The following AKAP9 variants were observed in gnomAD, a reference collection of about 807,000 sequenced individuals.
AKAP9 encodes the protein A-kinase anchoring protein 9, also known as A-kinase anchor protein 9.
A neutral mutation model predicts 488.5 loss-of-function variants in AKAP9; 311 were observed. That is an observed-to-expected ratio of 0.64 (90% CI 0.58 to 0.70). The LOEUF (loss-of-function observed/expected upper bound fraction) is 0.70, where lower values mean the gene tolerates loss of function less well. Ranked by LOEUF, AKAP9 falls within the 30% of genes least tolerant of loss-of-function variation. AKAP9 has a pLI of 0.00. For missense variants in AKAP9, 4,215 were observed against 4,374.5 expected (o/e 0.96, Z 1.03); for synonymous variants, 1,462 against 1,483.5 (o/e 0.99, Z 0.33).
intron 3 of AKAP9, among the ~76,000 whole-genome samples, chr7:91,991,871 C>T (rs2130633000): frequency 6.6e-6 from 1 of 152,150 alleles, no homozygotes; most frequent in East Asian, 1.9e-4. Context: ...GTTTATACTT[C>T]TGAAGAGCAA....
rs376058775 is a variant in AKAP9 at position 91,946,863 on chromosome 7, C to G, written c.48+5716C>G. On this transcript the variant is annotated intron_variant, in intron 1 of 49. Coordinates refer to ENST00000356239, the MANE Select transcript of AKAP9 (RefSeq NM_005751.5). ...CAAAAATTTTTTCAAACAAAAACAT[C>G]TCTTATTTTATAAATAAAAAGGTTC... 2.0e-5 allele frequency among the ~76,000 whole-genome samples: 3 copies of G among 152,224 alleles called. No homozygotes were observed. In the East Asian group the frequency reaches 5.8e-4, roughly 29 times the overall value.
At chr7:91,954,826 G>A (rs1487414338) in intron 1 of AKAP9, among the ~76,000 whole-genome samples, 2 of 152,114 alleles carry the variant, frequency 1.3e-5, no homozygotes, top group Non-Finnish European at 2.9e-5. Flanking sequence ...CACTAACATA[G>A]CCACTTTACT....
chr7:91,967,651 C>G (rs180796662), intron 1 of AKAP9, among the ~76,000 whole-genome samples: 1 of 152,182 alleles, frequency 6.6e-6, no homozygotes, highest in South Asian at 2.1e-4. Flanking sequence ...GGATGAATCC[C>G]GCTTGATCAT....
Position 92,033,649 on chromosome 7 carries a change from G to A in AKAP9, c.4338+2045G>A, listed in dbSNP as rs143855973. On this transcript the variant is annotated intron_variant, in intron 16 of 49. Coordinates refer to ENST00000356239, the MANE Select transcript of AKAP9 (RefSeq NM_005751.5). ...GACAGGGTTTTGCCATGTTGGCCAG[G>A]CTGGTCTTGAACTCCTGATCTCAAG... 1.5e-3 allele frequency among the ~76,000 whole-genome samples: 227 copies of A among 152,146 alleles called. 1 individual carries two copies. The highest frequency in any genetic ancestry group is 5.3e-3 in the African/African-American group (222 of 41,516).
intron 22 of AKAP9, among the ~76,000 whole-genome samples, chr7:92,056,894 A>G (rs2130811962): frequency 6.6e-6 from 1 of 152,132 alleles, no homozygotes; most frequent in East Asian, 1.9e-4. Flanking sequence ...ATAATACCAA[A>G]ATGAGGGTTT....
chr7:91,945,738 C>T (rs541423144), intron 1 of AKAP9, among the ~76,000 whole-genome samples: 187 of 152,224 alleles, frequency 1.2e-3, no homozygotes, highest in African/African-American at 4.0e-3. Context: ...AGTGTTTTGA[C>T]GAGGATGGCA....
intron 6 of AKAP9, 97 bp from the exon 7 acceptor site, chr7:91,995,506 G>GT: frequency 9.4e-7 from 1 of 1,068,226 alleles, no homozygotes; most frequent in Non-Finnish European, 1.4e-6. Flanking sequence ...AGCCTGCAGA[G>GT]TTCCCAGAGA....
At chr7:92,049,791 T>C (rs1229771736) in intron 21 of AKAP9, among the ~76,000 whole-genome samples, 2 of 152,110 alleles carry the variant, frequency 1.3e-5, no homozygotes, top group Non-Finnish European at 2.9e-5. Context: ...AGGTGACGTC[T>C]TTGCCTTTTC....
intron 34 of AKAP9, 46 bp from the exon 35 acceptor site, chr7:92,084,773 G>T (rs745342282): frequency 1.9e-6 from 3 of 1,598,422 alleles, no homozygotes; most frequent in Non-Finnish European, 2.6e-6. Context: ...GGGGACTGGG[G>T]TTTGATTTTT....
chr7:92,066,797 A>T (rs549663291), intron 26 of AKAP9, among the ~76,000 whole-genome samples: 2 of 152,262 alleles, frequency 1.3e-5, no homozygotes, highest in South Asian at 4.1e-4. Flanking sequence ...TTATTTCTTT[A>T]TTCCCATTCC....
intron 46 of AKAP9, 99 bp from the exon 47 acceptor site, chr7:92,105,579 G>C: frequency 1.1e-6 from 1 of 884,742 alleles, no homozygotes; most frequent in South Asian, 1.4e-5. Context: ...TTTGACATTT[G>C]TTCTATGTTC....
chr7:91,975,224 G>A (rs1435784256), intron 2 of AKAP9, among the ~76,000 whole-genome samples: 3 of 151,884 alleles, frequency 2.0e-5, no homozygotes, highest in Admixed American at 6.6e-5. Context: ...GGCTGGTCTC[G>A]AATTCCAAGA....
chr7:92,067,601 G>A (rs563974652), intron 26 of AKAP9, among the ~76,000 whole-genome samples: 4 of 152,168 alleles, frequency 2.6e-5, no homozygotes, highest in African/African-American at 9.6e-5. Context: ...CAGTCTCCCT[G>A]CTTCTCCTTT....
chr7:91,983,072 C>T (rs1414511740), intron 3 of AKAP9, among the ~76,000 whole-genome samples: 1 of 151,114 alleles, frequency 6.6e-6, no homozygotes, highest in Non-Finnish European at 1.5e-5. Flanking sequence ...TATTATTATA[C>T]TTTAAGTTCT....
Position 92,110,602 on chromosome 7 carries a change from G to T in AKAP9, c.*443G>T, listed in dbSNP as rs1819179330. On this transcript the variant is annotated 3_prime_UTR_variant, in exon 50 of 50. Transcript: ENST00000356239. The stretch of plus-strand genomic sequence containing the variant: ...TGTAGAGACCTATTTTTGTATAATG[G>T]TAGAAGTTTTGAATTTTATGGGGTA... 9.3e-6 allele frequency: 2 copies of T among 214,536 alleles called. No homozygotes were observed. The highest frequency in any genetic ancestry group is 1.7e-4 in the South Asian group (1 of 5,762). The allele number at this position is 214,536 out of a possible 1,614,324, so 13.3% of individuals were successfully genotyped here. A position where few individuals can be genotyped will look rare whatever the true frequency, so the allele number is the denominator to read the frequency against.
chr7:92,106,262 A>G (rs1253641680), intron 47 of AKAP9, among the ~76,000 whole-genome samples: 2 of 152,248 alleles, frequency 1.3e-5, no homozygotes, highest in Non-Finnish European at 2.9e-5. Flanking sequence ...AAAGAGGGTA[A>G]TAATAACTGA....
chr7:92,026,344 T>C (rs991719275), intron 14 of AKAP9, among the ~76,000 whole-genome samples: 4 of 152,152 alleles, frequency 2.6e-5, no homozygotes, highest in Non-Finnish European at 5.9e-5. Flanking sequence ...CTCTTCTCTC[T>C]TCTCTCTCTT....
rs1452091676 is a variant in AKAP9, at chr7:91,993,010, G to A, written c.531G>A (p.Glu177=). 2 of 1,614,102 alleles carry A rather than the reference G, an allele frequency of 1.2e-6. No homozygotes were observed. The highest frequency in any genetic ancestry group is 1.7e-6 in the Non-Finnish European group (2 of 1,179,996). ...KQHEIEELNR[E]LEEMRVTYGT... ...ATGAGATTGAAGAGCTAAACAGAGA[G>A]CTGGAAGAAATGAGGGTTACCTATG... The change falls in exon 5 of 50, where the codon GAG becomes GAA. Residue 177 remains glutamate (E), a synonymous_variant. Transcript: ENST00000356239.
intron 39 of AKAP9, among the ~76,000 whole-genome samples, chr7:92,094,560 C>T (rs1363919479): frequency 3.4e-5 from 5 of 147,270 alleles, no homozygotes; most frequent in South Asian, 2.2e-4. Flanking sequence ...GAGGGCCGGG[C>T]GCGGTGGCTC....
Sources: gnomAD v4.1 joint callset for allele counts (sites outside exome capture counted in the v4.1 genomes callset) on GRCh38, gnomAD v4.1.1 for gene constraint, MANE v1.5 for transcripts, NCBI Gene and HGNC (gene_info 2026-07-23, HGNC 2026-07-21) for gene names.